The following CDHR1 variants were observed in gnomAD, a reference collection of about 807,000 sequenced individuals.
CDHR1 encodes cadherin-related family member 1.
CDHR1 carries 61 observed loss-of-function variants against 72.1 expected under a neutral mutation model. The observed-to-expected ratio is 0.85, with a 90% confidence interval of 0.69 to 1.05. The LOEUF is 1.05. CDHR1 is among the 50% of genes least tolerant of loss of function. CDHR1 has a pLI of 0.00. For missense variants in CDHR1, 1,186 were observed against 1,115.7 expected (o/e 1.06, Z -0.90); for synonymous variants, 470 against 448.1 (o/e 1.05, Z -0.62).
chr10:84,199,079 G>T lies in CDHR1; in HGVS notation c.396G>T (p.Ala132=), dbSNP rs528516588. 38 of 1,551,404 alleles carry T rather than the reference G, an allele frequency of 2.4e-5. No homozygotes were observed. Among genetic ancestry groups the T allele is most frequent in the Non-Finnish European group, 3.1e-5 (36 of 1,147,022 alleles). Reference sequence around the variant, plus strand: ...TGGTGACCGATGCCAATGATGAGGCGCCCAGGTTCATCCAGGAGCCTTATG... The same window carrying T: ...TGGTGACCGATGCCAATGATGAGGCTCCCAGGTTCATCCAGGAGCCTTATG... ...VILVTDANDE[A]PRFIQEPYVA... is the part of the protein sequence containing the mutation. The change falls in exon 5 of 17, where the codon GCG becomes GCT. Residue 132 remains alanine (A), a synonymous_variant. Transcript: ENST00000623527.
rs201166008 is a variant in CDHR1, at chr10:84,195,529, G to A, written c.91G>A (p.Gly31Arg). 6.2e-7 allele frequency: 1 copy of A among 1,614,162 alleles called. No homozygotes were observed. The highest frequency in any genetic ancestry group is 8.5e-7 in the Non-Finnish European group (1 of 1,180,002). Reference protein sequence around the residue: ...ANFAPHFFDNGVGSTNGNMAL... With the variant: ...ANFAPHFFDNRVGSTNGNMAL... ...CTTCGCCCCGCACTTCTTCGACAAC[G>A]GGGTCGGCAGCACCAACGGAAACAT... Residue 31 changes from glycine (G) to arginine (R), a missense_variant, in exon 2 of 17, where the codon GGG (glycine) becomes AGG (arginine). Coordinates refer to ENST00000623527, the MANE Select transcript of CDHR1 (RefSeq NM_033100.4).
In CDHR1 at chr10:84,216,761, G is replaced by A. The variant is rs1435256738; in HGVS notation, c.*2140G>A. The A allele has an allele frequency of 1.0e-6, 1 of 985,364 alleles. No homozygotes were observed. Among genetic ancestry groups the A allele is most frequent in the Non-Finnish European group, 1.2e-6 (1 of 829,962 alleles). 61.0% of individuals were successfully genotyped at this position (985,364 alleles called of 1,614,324 possible). On this transcript the variant is annotated 3_prime_UTR_variant, in exon 17 of 17. Transcript: ENST00000623527. ...GTCTACTGGACTTTTCTCCCAAACA[G>A]GACAAGCCCAGGCAGGGCTGCATGG...
intron 6 of CDHR1, 114 bp from the exon 7 acceptor site, chr10:84,201,693 G>A (rs1842126883): frequency 6.1e-6 from 5 of 825,154 alleles, no homozygotes; most frequent in South Asian, 5.8e-5. Flanking sequence ...AGGAACCTCA[G>A]CCCTGAGGTC....
intron 1 of CDHR1, among the ~76,000 whole-genome samples, 168 bp downstream of exon 1, chr10:84,194,983 G>A (rs1842001494): frequency 6.6e-6 from 1 of 152,240 alleles, no homozygotes; most frequent in Non-Finnish European, 1.5e-5. Flanking sequence ...TTCGGTAGTG[G>A]GGAGTGGGGT....
At chr10:84,203,348 C>T (rs554067340) in intron 8 of CDHR1, among the ~76,000 whole-genome samples, 3 of 152,310 alleles carry the variant, frequency 2.0e-5, no homozygotes, top group South Asian at 4.1e-4. Context: ...AGCCAGGCCT[C>T]GCTAGGCTAC....
In CDHR1 at chr10:84,195,872, G is replaced by A. The variant is rs76719640; in HGVS notation, c.151+283G>A. The stretch of plus-strand genomic sequence containing the variant: ...TATGGCTGTGTGACCTTGAACAAAT[G>A]TATTTACCTCCCTGAGCCCCAGGTC... On this transcript the variant is annotated intron_variant, in intron 2 of 16. Coordinates refer to ENST00000623527, the MANE Select transcript of CDHR1 (RefSeq NM_033100.4). Among the ~76,000 whole-genome samples the A allele has an allele frequency of 1.5e-4, 23 of 152,332 alleles. No homozygotes were observed. In the East Asian group the frequency reaches 2.9e-3, roughly 19 times the overall value.
chr10:84,194,781 C>T lies in CDHR1; in HGVS notation c.21C>T (p.Ala7=). The change falls in exon 1 of 17, where the codon GCC becomes GCT. Residue 7 remains alanine (A), a synonymous_variant. Coordinates refer to ENST00000623527, the MANE Select transcript of CDHR1 (RefSeq NM_033100.4). Reference sequence around the variant, plus strand: ...GAGACATGAGGCGCTGCCGGTGGGCCGCCCTGGCCCTGGGGCTGCTGCGCC... The same window carrying T: ...GAGACATGAGGCGCTGCCGGTGGGCTGCCCTGGCCCTGGGGCTGCTGCGCC... MRRCRW[A]ALALGLLRLC... 1.3e-6 allele frequency: 2 copies of T among 1,524,614 alleles called. No homozygotes were observed. The highest frequency in any genetic ancestry group is 1.8e-6 in the Non-Finnish European group (2 of 1,142,450). 94.4% of individuals were successfully genotyped at this position (1,524,614 alleles called of 1,614,324 possible).
chr10:84,212,036 G>C, intron 14 of CDHR1, 143 bp from the exon 15 acceptor site: 1 of 753,264 alleles, frequency 1.3e-6, no homozygotes, highest in Non-Finnish European at 2.3e-6. Flanking sequence ...TGCAAGGATA[G>C]GAGGGAGCAG....
At position 84,214,637 on chromosome 10, in the gene CDHR1, C is replaced by G. The variant is rs1311875823; in HGVS notation, c.*16C>G. 9 of 1,599,080 alleles carry G rather than the reference C, an allele frequency of 5.6e-6. No individual in the cohort carries two copies. Among genetic ancestry groups the G allele is most frequent in the Non-Finnish European group, 7.6e-6 (9 of 1,179,562 alleles). On this transcript the variant is annotated 3_prime_UTR_variant, in exon 17 of 17. Coordinates refer to ENST00000623527, the MANE Select transcript of CDHR1 (RefSeq NM_033100.4). ...TTACTTCTAGTGTATGCCCTATGACCCCCCATCTTTCCTCCGCCCCTGACC... is the reference window on the plus strand; with the variant it reads ...TTACTTCTAGTGTATGCCCTATGACGCCCCATCTTTCCTCCGCCCCTGACC...
At chr10:84,198,808 A>G (rs1842071831) in intron 4 of CDHR1, among the ~76,000 whole-genome samples, 1 of 152,204 alleles carries the variant, frequency 6.6e-6, no homozygotes, top group South Asian at 2.1e-4. Context: ...GCAAAATAAC[A>G]CATCATCAGA....
chr10:84,217,663 A>G lies in CDHR1; in HGVS notation c.*3042A>G, dbSNP rs1244408884. 1.7e-5 allele frequency: 17 copies of G among 985,398 alleles called. No homozygotes were observed. The highest frequency in any genetic ancestry group is 1.8e-5 in the Non-Finnish European group (15 of 830,000). 61.0% of individuals were successfully genotyped at this position (985,398 alleles called of 1,614,324 possible). On this transcript the variant is annotated 3_prime_UTR_variant, in exon 17 of 17. Transcript: ENST00000623527. ...GCCGTGACTGTGGCCCACATACTAG[A>G]ACACCATGTCCTGAAAGAGAGGACC...
At chr10:84,198,236 A>C (rs920345252) in intron 4 of CDHR1, among the ~76,000 whole-genome samples, 1 of 152,198 alleles carries the variant, frequency 6.6e-6, no homozygotes, top group East Asian at 1.9e-4. Context: ...CCAGGGGCTC[A>C]CTGGCCTCCA....
rs537000214 is a variant in CDHR1, at chr10:84,197,843, G to C, written c.348+7G>C. On this transcript the variant is annotated splice_region_variant and intron_variant, in intron 4 of 16. Coordinates refer to ENST00000623527, the MANE Select transcript of CDHR1 (RefSeq NM_033100.4). ...TTCTGATGGCCTGAATCTGGTGAGTGCACGTCCAAGGCAGTCCCTGGCAGC... is the reference window on the plus strand; with the variant it reads ...TTCTGATGGCCTGAATCTGGTGAGTCCACGTCCAAGGCAGTCCCTGGCAGC... The C allele has an allele frequency of 1.2e-6, 2 of 1,613,186 alleles. No individual in the cohort carries two copies. Among genetic ancestry groups the C allele is most frequent in the Non-Finnish European group, 1.7e-6 (2 of 1,179,522 alleles).
intron 12 of CDHR1, among the ~76,000 whole-genome samples, chr10:84,210,283 G>A (rs1266297558): frequency 6.7e-6 from 1 of 149,436 alleles, no homozygotes; most frequent in Non-Finnish European, 1.5e-5. Flanking sequence ...TGTTTGTTTT[G>A]AGACAAGAGT....
intron 4 of CDHR1, among the ~76,000 whole-genome samples, chr10:84,198,306 T>G (rs566774908): frequency 6.6e-6 from 1 of 152,344 alleles, no homozygotes; most frequent in South Asian, 2.1e-4. Context: ...ATCTGCCCAC[T>G]CTGAGGCTGG....
In CDHR1 at chr10:84,194,652, C is replaced by T. The variant is rs894888689; in HGVS notation, c.-109C>T. On this transcript the variant is annotated 5_prime_UTR_variant, in exon 1 of 17. Transcript: ENST00000623527. ...TGCCCCCTCCCGCCGCGGCTGCAGT[C>T]GCCGCTACCCCCATTGTGGTCTCTG... 6.1e-6 allele frequency: 5 copies of T among 815,166 alleles called. No individual in the cohort carries two copies. Among genetic ancestry groups the T allele is most frequent in the African/African-American group, 3.7e-5 (2 of 54,330 alleles). The allele number at this position is 815,166 out of a possible 1,614,324, so 50.5% of individuals were successfully genotyped here. A position where few individuals can be genotyped will look rare whatever the true frequency, so the allele number is the denominator to read the frequency against.
At chr10:84,211,802 G>A in intron 14 of CDHR1, 87 bp downstream of exon 14, 1 of 1,117,390 alleles carries the variant, frequency 8.9e-7, no homozygotes, top group Non-Finnish European at 1.4e-6. Context: ...GAGGCAGGAG[G>A]GGCCTGGGAG....
rs1228793503 is a variant in CDHR1, at chr10:84,216,047, G to A, written c.*1426G>A. On this transcript the variant is annotated 3_prime_UTR_variant, in exon 17 of 17. Transcript: ENST00000623527. ...ATCAGCTTGTGACAACCTTCCCCAG[G>A]ACAGAAGTCATACAAGGCCTCTGGG... is the stretch of plus-strand genomic sequence containing the variant. 2.6e-5 allele frequency: 26 copies of A among 985,304 alleles called. No homozygotes were observed. Among genetic ancestry groups the A allele is most frequent in the Non-Finnish European group, 3.0e-5 (25 of 829,948 alleles). The allele number at this position is 985,304 out of a possible 1,614,324, so 61.0% of individuals were successfully genotyped here.
chr10:84,195,159 G>A (rs1390965817), intron 1 of CDHR1, among the ~76,000 whole-genome samples: 1 of 152,212 alleles, frequency 6.6e-6, no homozygotes, highest in African/African-American at 2.4e-5. Context: ...CCTGACTCGC[G>A]GCTTGACCTT....
Sources: allele counts gnomAD v4.1 joint callset (sites outside exome capture counted in the v4.1 genomes callset), GRCh38; gene constraint gnomAD v4.1.1; transcripts MANE v1.5; gene names NCBI Gene and HGNC (gene_info 2026-07-23, HGNC 2026-07-21).